The following ZFHX3 variants were observed in gnomAD, a reference collection of about 807,000 sequenced individuals.
ZFHX3 encodes zinc finger homeobox protein 3.
In ZFHX3, 42 loss-of-function variants were observed where a neutral mutation model predicts 279.1. That is an observed-to-expected ratio of 0.15 (90% confidence interval 0.12 to 0.19). The LOEUF is 0.19. ZFHX3 is among the 10% of genes least tolerant of loss of function. The pLI is 1.00. For synonymous variants in ZFHX3, 2,293 were observed against 1,957.8 expected (o/e 1.17, Z -4.52); for missense variants, 4,981 against 4,754.0 (o/e 1.05, Z -1.40).
chr16:73,720,563 G>A (rs915219937), intron 1 of ZFHX3, among the ~76,000 whole-genome samples: 5 of 152,192 alleles, frequency 3.3e-5, no homozygotes, highest in African/African-American at 4.8e-5. Context: ...TGAGTTAAAC[G>A]AAACAAATTT....
intron 4 of ZFHX3, among the ~76,000 whole-genome samples, chr16:73,300,888 T>C (rs1303607731): frequency 2.0e-5 from 3 of 152,234 alleles, no homozygotes; most frequent in Non-Finnish European, 4.4e-5. Flanking sequence ...AGCACATTGA[T>C]GCTGGAGCAG....
intron 5 of ZFHX3, among the ~76,000 whole-genome samples, chr16:73,163,551 G>A (rs930467431): frequency 6.6e-5 from 10 of 152,332 alleles, no homozygotes; most frequent in Non-Finnish European, 1.3e-4. Context: ...CTGCAAAAAC[G>A]AAAATATTTG....
At chr16:73,648,998 G>A (rs1301191701) in intron 2 of ZFHX3, among the ~76,000 whole-genome samples, 1 of 152,130 alleles carries the variant, frequency 6.6e-6, no homozygotes, top group African/African-American at 2.4e-5. Context: ...TTTACATTTG[G>A]AGATTACGGT....
chr16:73,053,896 AAAAC>A (rs1336749242), intron 1 of ZFHX3, among the ~76,000 whole-genome samples: 3 of 152,242 alleles, frequency 2.0e-5, no homozygotes, highest in Admixed American at 1.3e-4. Context: ...AGATCAAAAC[AAAAC>A]AAACTTCCAA....
At chr16:73,834,149 G>A (rs1022796699) in intron 1 of ZFHX3, among the ~76,000 whole-genome samples, 1 of 152,228 alleles carries the variant, frequency 6.6e-6, no homozygotes, top group African/African-American at 2.4e-5. Context: ...GGTTGATTCT[G>A]GAATGTCTGG....
intron 1 of ZFHX3, among the ~76,000 whole-genome samples, chr16:73,863,490 C>T (rs1378477206): frequency 1.3e-5 from 2 of 152,126 alleles, no homozygotes; most frequent in Non-Finnish European, 1.5e-5. Flanking sequence ...AGATAGTCTT[C>T]ACACAGAGCA....
intron 1 of ZFHX3, among the ~76,000 whole-genome samples, chr16:73,883,113 G>C (rs758136807): frequency 1.3e-5 from 2 of 151,780 alleles, no homozygotes; most frequent in African/African-American, 2.4e-5. Context: ...TGGTTTTTTG[G>C]TTGTTGTTTT....
intron 7 of ZFHX3, chr16:73,127,035 G>C (rs761517472): frequency 4.8e-6 from 1 of 206,272 alleles, no homozygotes; most frequent in Admixed American, 5.4e-5. Context: ...CATGCAGTGC[G>C]TGGATCTTGA....
intron 5 of ZFHX3, among the ~76,000 whole-genome samples, chr16:73,239,457 C>T (rs1269141578): frequency 1.3e-5 from 2 of 152,182 alleles, no homozygotes; most frequent in African/African-American, 2.4e-5. Context: ...TGGCCTGTTT[C>T]CCTATGTTAT....
chr16:73,551,489 T>C (rs2020203779), intron 2 of ZFHX3, among the ~76,000 whole-genome samples: 1 of 152,218 alleles, frequency 6.6e-6, no homozygotes, highest in Admixed American at 6.5e-5. Flanking sequence ...CTGTGGGTTA[T>C]GTTTAACCAA....
At chr16:73,435,195 C>T (rs574231990) in intron 3 of ZFHX3, among the ~76,000 whole-genome samples, 1 of 152,082 alleles carries the variant, frequency 6.6e-6, no homozygotes, top group Non-Finnish European at 1.5e-5. Flanking sequence ...GCTTGGGACT[C>T]TTGATATTTT....
intron 4 of ZFHX3, among the ~76,000 whole-genome samples, chr16:73,313,947 A>C (rs559116437): frequency 6.6e-6 from 1 of 152,214 alleles, no homozygotes; most frequent in African/African-American, 2.4e-5. Context: ...ATTTCTACAA[A>C]AATTAGCTGG....
At chr16:73,854,727 C>CAA (rs60003447) in intron 1 of ZFHX3, among the ~76,000 whole-genome samples, 745 of 58,972 alleles carry the variant, frequency 0.013, no homozygotes, top group African/African-American at 0.02. Flanking sequence ...CCACCTTCCA[C>CAA]AAAAAAAAAA....
At position 73,581,659 on chromosome 16, in the gene ZFHX3, C is replaced by CCT. The variant is rs2051861771; in HGVS notation, c.-1547+98520_-1547+98521insAG. ...GTCAAGCATAAAACTTCGAATGTCT[C>CCT]TTTTTTTTTTTTTTTTTTTTTTTTT... On this transcript the variant is annotated intron_variant, in intron 2 of 17. Coordinates refer to the ZFHX3 transcript ENST00000641206. 3.9e-4 allele frequency among the ~76,000 whole-genome samples: 29 copies of CCT among 73,428 alleles called. 1 individual carries two copies. The highest frequency in any genetic ancestry group is 6.1e-4 in the Non-Finnish European group (23 of 37,848). 48.2% of individuals were successfully genotyped at this position (73,428 alleles called of 152,430 possible).
chr16:72,960,190 C>A lies in ZFHX3; in HGVS notation c.-45G>T. On this transcript the variant is annotated 5_prime_UTR_variant, in exon 2 of 10. The change creates a premature stop within an existing upstream ORF in the 5' untranslated region. Transcript: ENST00000268489. ...TTTCATTGCACCCAGTACGGAGGCT[C>A]GGACCTGAAGGGCAGAGGCAAGGGG... 1 of 1,479,468 alleles carries A rather than the reference C, an allele frequency of 6.8e-7. No homozygotes were observed. The highest frequency in any genetic ancestry group is 9.0e-7 in the Non-Finnish European group (1 of 1,111,208). 91.6% of individuals were successfully genotyped at this position (1,479,468 alleles called of 1,614,324 possible).
rs367751833 is a variant in ZFHX3 at position 72,959,183 on chromosome 16, G to T, written c.963C>A (p.Asn321Lys). 6.2e-7 allele frequency: 1 copy of T among 1,614,250 alleles called. No individual in the cohort carries two copies. The highest frequency in any genetic ancestry group is 1.1e-5 in the South Asian group (1 of 91,084). The change falls in exon 2 of 10, where the codon AAC becomes AAA. Residue 321 changes from asparagine (N) to lysine (K), a missense_variant. Physicochemically the swap from Asn to Lys is moderately conservative, Grantham distance 94. This residue lies in a region of ZFHX3 where 1,068 missense variants were observed against 935.2 expected (regional missense o/e 1.14). Coordinates refer to ENST00000268489, the MANE Select transcript of ZFHX3 (RefSeq NM_006885.4). ...EDERKILSNK[N>K]ISAIIQGIGK... Reference sequence around the variant, plus strand: ...CGATCCCTTGGATGATAGCGGAGATGTTCTTATTGCTAAGAATTTTCCGCT... The same window carrying T: ...CGATCCCTTGGATGATAGCGGAGATTTTCTTATTGCTAAGAATTTTCCGCT...
At chr16:73,347,768 G>T (rs1010843570) in intron 3 of ZFHX3, among the ~76,000 whole-genome samples, 3 of 152,244 alleles carry the variant, frequency 2.0e-5, no homozygotes, top group Non-Finnish European at 4.4e-5. Context: ...TAACCATATG[G>T]TTTATTTACA....
At chr16:73,360,187 C>T (rs185475279) in intron 3 of ZFHX3, among the ~76,000 whole-genome samples, 121 of 152,276 alleles carry the variant, frequency 7.9e-4, no homozygotes, top group Middle Eastern at 3.4e-3. Context: ...AATTAAACAG[C>T]AAGATACACG....
chr16:73,260,497 A>C (rs1032522894), intron 4 of ZFHX3, among the ~76,000 whole-genome samples: 1 of 151,998 alleles, frequency 6.6e-6, no homozygotes, highest in East Asian at 1.9e-4. Context: ...GTGTCTTCTG[A>C]CATGTCCCCA....
Sources: allele counts gnomAD v4.1 joint callset (sites outside exome capture counted in the v4.1 genomes callset), GRCh38; gene constraint gnomAD v4.1.1; regional missense constraint gnomAD v4.1.1; transcripts MANE v1.5; gene names NCBI Gene and HGNC (gene_info 2026-07-23, HGNC 2026-07-21).